PDE11A: variants seen among roughly 807,000 people sequenced by gnomAD.
PDE11A encodes phosphodiesterase 11A, also known as dual 3',5'-cyclic-AMP and -GMP phosphodiesterase 11A.
In PDE11A, 100 loss-of-function variants were observed where a neutral mutation model predicts 100.5. The ratio of observed to expected loss-of-function variants is 1.00; its 90% CI spans 0.85 to 1.18. The LOEUF (loss-of-function observed/expected upper bound fraction) is 1.18. PDE11A is among the 50% of genes most tolerant of loss of function. PDE11A has a pLI of 0.00. For synonymous variants in PDE11A, 381 were observed against 420.8 expected (o/e 0.91, Z 1.16); for missense variants, 1,141 against 1,152.6 (o/e 0.99, Z 0.15).
At chr2:177,642,879 G>A (rs765378028) in intron 19 of PDE11A, among the ~76,000 whole-genome samples, 12 of 152,126 alleles carry the variant, frequency 7.9e-5, no homozygotes, top group Non-Finnish European at 1.2e-4. Flanking sequence ...TGCTATTCTC[G>A]TGATAGTGAA....
intron 2 of PDE11A, among the ~76,000 whole-genome samples, chr2:177,940,635 C>G (rs1038130515): frequency 6.6e-6 from 1 of 152,154 alleles, no homozygotes; most frequent in Non-Finnish European, 1.5e-5. Flanking sequence ...AAGCAATTCA[C>G]TTTGCAAATA....
At chr2:178,103,310 A>T (rs1376583388) in intron 2 of PDE11A, among the ~76,000 whole-genome samples, 1 of 152,212 alleles carries the variant, frequency 6.6e-6, no homozygotes, top group African/African-American at 2.4e-5. Context: ...ATGATCCAAT[A>T]GGCAAATCCA....
At chr2:177,713,608 C>A (rs2081387955) in intron 12 of PDE11A, among the ~76,000 whole-genome samples, 1 of 151,954 alleles carries the variant, frequency 6.6e-6, no homozygotes, top group African/African-American at 2.4e-5. Context: ...GCCTGTAATC[C>A]CAGCTATTCG....
intron 10 of PDE11A, among the ~76,000 whole-genome samples, chr2:177,760,108 C>T (rs138028808): frequency 3.3e-5 from 5 of 152,250 alleles, no homozygotes; most frequent in Admixed American, 2.6e-4. Context: ...AAAACCAAAG[C>T]AGAGGGGTTC....
intron 13 of PDE11A, among the ~76,000 whole-genome samples, chr2:177,706,343 T>C (rs1472108340): frequency 1.3e-5 from 2 of 152,216 alleles, no homozygotes; most frequent in East Asian, 3.8e-4. Context: ...CTTCAAAGAC[T>C]AGAATTCGAC....
chr2:177,819,229 CA>C (rs1299681160), intron 7 of PDE11A, among the ~76,000 whole-genome samples: 1 of 151,918 alleles, frequency 6.6e-6, no homozygotes, highest in African/African-American at 2.4e-5. Flanking sequence ...AGTAACATAC[CA>C]ATATTCTTAT....
At chr2:177,955,282 A>G (rs2085548135) in intron 2 of PDE11A, among the ~76,000 whole-genome samples, 1 of 152,150 alleles carries the variant, frequency 6.6e-6, no homozygotes, top group Non-Finnish European at 1.5e-5. Context: ...AATTTAATGA[A>G]AGCTGAGTAT....
At chr2:177,759,203 GCA>G (rs755976999) in intron 10 of PDE11A, among the ~76,000 whole-genome samples, 1 of 132,200 alleles carries the variant, frequency 7.6e-6, no homozygotes, top group African/African-American at 3.2e-5. Context: ...ACACACACAC[GCA>G]CACACAAATG....
chr2:178,101,191 A>C (rs576861208), intron 2 of PDE11A, among the ~76,000 whole-genome samples: 52 of 152,322 alleles, frequency 3.4e-4, no homozygotes, highest in African/African-American at 1.1e-3. Flanking sequence ...CCACAACCTC[A>C]TCGACTTCAA....
intron 4 of PDE11A, among the ~76,000 whole-genome samples, chr2:177,892,424 G>T (rs2084544593): frequency 6.6e-6 from 1 of 152,030 alleles, no homozygotes. Flanking sequence ...AATATAATTT[G>T]CATATTGATT....
At chr2:177,831,926 T>C (rs565204260) in intron 6 of PDE11A, among the ~76,000 whole-genome samples, 2 of 152,288 alleles carry the variant, frequency 1.3e-5, no homozygotes, top group East Asian at 1.9e-4. Context: ...TTTAGCTATA[T>C]GTTTCAAGGA....
At chr2:177,866,984 T>C (rs751206249) in intron 5 of PDE11A, among the ~76,000 whole-genome samples, 2 of 152,202 alleles carry the variant, frequency 1.3e-5, no homozygotes, top group East Asian at 1.9e-4. Context: ...TGACAGCAGA[T>C]GTTTTAGTTT....
chr2:177,866,282 G>A (rs1361458978), intron 5 of PDE11A, among the ~76,000 whole-genome samples: 3 of 152,182 alleles, frequency 2.0e-5, no homozygotes, highest in African/African-American at 7.2e-5. Flanking sequence ...CAATGACTGA[G>A]CGTGATGAGG....
intron 2 of PDE11A, among the ~76,000 whole-genome samples, chr2:177,927,329 G>A (rs950092461): frequency 7.2e-5 from 11 of 152,126 alleles, no homozygotes; most frequent in Admixed American, 3.9e-4. Flanking sequence ...GCCACTTGTC[G>A]TACTTATGTC....
intron 9 of PDE11A, among the ~76,000 whole-genome samples, chr2:177,805,130 GC>G (rs2082851201): frequency 2.0e-5 from 3 of 151,294 alleles, no homozygotes; most frequent in Admixed American, 2.0e-4. Context: ...ACAAAAAAAT[GC>G]CTAAAACAAA....
At chr2:177,839,067 C>G (rs1403269039) in intron 6 of PDE11A, among the ~76,000 whole-genome samples, 1 of 152,126 alleles carries the variant, frequency 6.6e-6, no homozygotes, top group Non-Finnish European at 1.5e-5. Flanking sequence ...TTCTAGGCAG[C>G]TACAGGGAGG....
intron 9 of PDE11A, among the ~76,000 whole-genome samples, chr2:177,773,145 CA>C (rs2082333557): frequency 6.6e-6 from 1 of 152,068 alleles, no homozygotes; most frequent in East Asian, 1.9e-4. Context: ...CTCAGCCTCC[CA>C]AGTAGCTGGG....
intron 2 of PDE11A, among the ~76,000 whole-genome samples, chr2:178,011,390 T>C (rs924112219): frequency 2.0e-5 from 3 of 152,172 alleles, no homozygotes; most frequent in Admixed American, 6.5e-5. Flanking sequence ...ATATGTGGAC[T>C]GGTCATTGTC....
intron 5 of PDE11A, among the ~76,000 whole-genome samples, chr2:177,851,990 A>C (rs933008033): frequency 6.6e-6 from 1 of 151,840 alleles, no homozygotes; most frequent in Non-Finnish European, 1.5e-5. Context: ...TATAAGGGAG[A>C]GCATGCCATA....
Sources: gnomAD v4.1 joint callset for allele counts (sites outside exome capture counted in the v4.1 genomes callset) on GRCh38, gnomAD v4.1.1 for gene constraint, MANE v1.5 for transcripts, NCBI Gene and HGNC (gene_info 2026-07-23, HGNC 2026-07-21) for gene names.